TVP23C: variants seen among roughly 807,000 people sequenced by gnomAD.
TVP23C encodes trans-golgi network vesicle protein 23 homolog C, also known as Golgi apparatus membrane protein TVP23 homolog C.
TVP23C carries 19 observed loss-of-function variants against 28.7 expected under a neutral mutation model. That is an observed-to-expected ratio of 0.66 (90% confidence interval 0.46 to 0.97). The LOEUF (loss-of-function observed/expected upper bound fraction) is 0.97, where lower values mean the gene tolerates loss of function less well. Ranked by LOEUF, TVP23C falls within the 50% of genes least tolerant of loss-of-function variation. TVP23C has a pLI of 0.00. For synonymous variants in TVP23C, 68 were observed against 81.7 expected, an observed-to-expected ratio of 0.83 and a Z score of 0.90; for missense variants, 186 against 241.3, an observed-to-expected ratio of 0.77 and a Z score of 1.52.
At chr17:15,533,417 G>A (rs1004638556), downstream of TVP23C, among the ~76,000 whole-genome samples, 1 of 152,204 alleles carries the variant, frequency 6.6e-6, no homozygotes, top group African/African-American at 2.4e-5. Flanking sequence ...TGCCACTAGT[G>A]ATAGTTTTTA....
intron 2 of TVP23C, among the ~76,000 whole-genome samples, chr17:15,555,036 C>G (rs1191311900): frequency 6.6e-6 from 1 of 152,238 alleles, no homozygotes; most frequent in East Asian, 1.9e-4. Context: ...GAAAATAGCA[C>G]AGAATTAAAA....
chr17:15,523,586 G>C (rs1453925212), intron 5 of TVP23C, among the ~76,000 whole-genome samples: 2 of 151,796 alleles, frequency 1.3e-5, no homozygotes, highest in Non-Finnish European at 2.9e-5. Flanking sequence ...TGAGATTACA[G>C]GCATGAGCAC....
chr17:15,502,954 A>G, exon 6 of TVP23C: 1 of 1,614,100 alleles, frequency 6.2e-7, no homozygotes, highest in Non-Finnish European at 8.5e-7. Flanking sequence ...TCCAGGCCCA[A>G]AGCCGCAAGG....
chr17:15,503,133 G>T (rs1597497357), exon 6 of TVP23C: 1 of 1,609,470 alleles, frequency 6.2e-7, no homozygotes, highest in South Asian at 1.1e-5. Flanking sequence ...CCCGGGCAGC[G>T]GCTCACGCCT....
At chr17:15,530,633 G>A (rs1163402269) in intron 5 of TVP23C, 2 of 152,148 alleles carry the variant, frequency 1.3e-5, no homozygotes, top group East Asian at 1.9e-4. Flanking sequence ...TTCCTCATGT[G>A]GATTGGAGTT....
intron 5 of TVP23C, among the ~76,000 whole-genome samples, chr17:15,521,506 A>G (rs1329201102): frequency 6.6e-6 from 1 of 152,226 alleles, no homozygotes; most frequent in African/African-American, 2.4e-5. Flanking sequence ...TCCGTCTCAA[A>G]AAAAAAACAA....
At position 15,539,157 on chromosome 17, in the gene TVP23C, C is replaced by T. The variant is rs2150847576; in HGVS notation, c.*1255G>A. 1 of 936,042 alleles carries T rather than the reference C, an allele frequency of 1.1e-6. No homozygotes were observed. The highest frequency in any genetic ancestry group is 4.9e-5 in the South Asian group (1 of 20,308). 58.0% of individuals were successfully genotyped at this position (936,042 alleles called of 1,614,324 possible). ...GAAATGCAAATTATGAGACTCCACC[C>T]CCAGATCTACTGAATAAGGAGTCTG... On this transcript the variant is annotated 3_prime_UTR_variant, in exon 6 of 6. Transcript: ENST00000518321.
rs1429845984 is a variant in TVP23C, at chr17:15,537,995, T to TA, written c.*2416dup. Reference sequence around the variant, plus strand: ...TAATATGAAAACTACTTTTCCTTTTTATAAATAAAGTTTTTAAGTGGAAAA... The same window carrying TA: ...TAATATGAAAACTACTTTTCCTTTTTAATAAATAAAGTTTTTAAGTGGAAAA... On this transcript the variant is annotated 3_prime_UTR_variant, in exon 6 of 6. Coordinates refer to ENST00000518321, the MANE Select transcript of TVP23C (RefSeq NM_001135036.2). 6.7e-7 allele frequency: 1 copy of TA among 1,493,692 alleles called. No individual in the cohort carries two copies. Among genetic ancestry groups the TA allele is most frequent in the African/African-American group, 1.4e-5 (1 of 70,060 alleles). 92.5% of individuals were successfully genotyped at this position (1,493,692 alleles called of 1,614,324 possible). A position where few individuals can be genotyped will look rare whatever the true frequency, so the allele number is the denominator to read the frequency against.
chr17:15,548,457 G>A (rs11869176), intron 3 of TVP23C, among the ~76,000 whole-genome samples: 2,607 of 152,226 alleles, frequency 0.017, 73 homozygotes, highest in African/African-American at 0.059. Context: ...AAGCCACCAC[G>A]CACGGCCTCA....
intron 1 of TVP23C, among the ~76,000 whole-genome samples, chr17:15,559,281 A>T (rs1260988452): frequency 7.0e-6 from 1 of 142,310 alleles, no homozygotes; most frequent in African/African-American, 2.5e-5. Flanking sequence ...GTGCCTACCA[A>T]GTGCCAGGTA....
At chr17:15,519,402 T>C (rs1982371200) in intron 5 of TVP23C, among the ~76,000 whole-genome samples, 1 of 150,740 alleles carries the variant, frequency 6.6e-6, no homozygotes, top group African/African-American at 2.4e-5. Context: ...AGCCCAGGAG[T>C]TCGAGGCTGC....
At chr17:15,555,497 A>G (rs1984091156) in intron 1 of TVP23C, 133 bp from the exon 2 acceptor site, 1 of 1,403,938 alleles carries the variant, frequency 7.1e-7, no homozygotes, top group Non-Finnish European at 9.6e-7. Flanking sequence ...TTCAAAACCT[A>G]GAAAAGGACA....
At chr17:15,513,020 C>T (rs1465279390) in intron 5 of TVP23C, among the ~76,000 whole-genome samples, 6 of 152,166 alleles carry the variant, frequency 3.9e-5, no homozygotes, top group African/African-American at 7.2e-5. Context: ...CTCAGAAGCA[C>T]TTTTGGTTCT....
chr17:15,520,459 T>C (rs531094941), intron 5 of TVP23C, among the ~76,000 whole-genome samples: 128 of 143,138 alleles, frequency 8.9e-4, no homozygotes, highest in African/African-American at 3.2e-3. Flanking sequence ...CCTTATCCTA[T>C]TGTCAGAAAT....
At chr17:15,529,199 C>A (rs912336376) in intron 5 of TVP23C, among the ~76,000 whole-genome samples, 71 of 152,074 alleles carry the variant, frequency 4.7e-4, no homozygotes, top group Admixed American at 8.5e-4. Context: ...CGCCTGTAAT[C>A]CCAGCACTTT....
At chr17:15,528,540 T>C (rs1309924777) in intron 5 of TVP23C, among the ~76,000 whole-genome samples, 8 of 152,198 alleles carry the variant, frequency 5.3e-5, no homozygotes, top group Admixed American at 2.6e-4. Context: ...GTGGAGAATG[T>C]TCCATGTTCA....
intron 1 of TVP23C, among the ~76,000 whole-genome samples, chr17:15,557,215 C>CA (rs1984171225): frequency 6.7e-6 from 1 of 149,212 alleles, no homozygotes; most frequent in Admixed American, 6.8e-5. Context: ...ACAATTATCT[C>CA]AGAGTATTCT....
Position 15,537,639 on chromosome 17 carries a change from C to G in TVP23C, c.*2773G>C. On this transcript the variant is annotated 3_prime_UTR_variant, in exon 6 of 6. Transcript: ENST00000518321. ...CCATGAAGTACATATTAAAAACTAA[C>G]AATTATTTCTAACTTATACATAAGC... The G allele has an allele frequency of 1.0e-6, 1 of 985,464 alleles. No individual in the cohort carries two copies. The highest frequency in any genetic ancestry group is 4.7e-5 in the South Asian group (1 of 21,294). 61.0% of individuals were successfully genotyped at this position (985,464 alleles called of 1,614,324 possible).
intron 5 of TVP23C, among the ~76,000 whole-genome samples, chr17:15,511,460 G>A (rs1006616080): frequency 3.9e-5 from 6 of 152,132 alleles, no homozygotes; most frequent in Non-Finnish European, 4.4e-5. Context: ...AGTTACTGCC[G>A]TTTCTAGGAA....
Sources: gnomAD v4.1 joint callset for allele counts (sites outside exome capture counted in the v4.1 genomes callset) on GRCh38, gnomAD v4.1.1 for gene constraint, MANE v1.5 for transcripts, NCBI Gene and HGNC (gene_info 2026-07-23, HGNC 2026-07-21) for gene names.